The following DCDC1 variants were observed in gnomAD, a reference collection of about 807,000 sequenced individuals.
DCDC1 encodes the protein doublecortin domain-containing protein 1.
Under a neutral mutation model 178.3 loss-of-function variants are expected in DCDC1, and 200 were observed. That is an observed-to-expected ratio of 1.12 (90% CI 1.00 to 1.26). The LOEUF (loss-of-function observed/expected upper bound fraction) is 1.26, where lower values mean the gene tolerates loss of function less well. Ranked by LOEUF, DCDC1 falls within the 50% of genes most tolerant of loss-of-function variation. DCDC1 has a pLI of 0.00. For synonymous variants in DCDC1, 690 were observed against 604.8 expected (o/e 1.14, Z -2.07); for missense variants, 1,983 against 1,749.2 (o/e 1.13, Z -2.38).
chr11:31,008,821 T>C (rs2135097649), intron 20 of DCDC1, among the ~76,000 whole-genome samples: 1 of 152,292 alleles, frequency 6.6e-6, no homozygotes, highest in Middle Eastern at 3.4e-3. Context: ...CAAAGGCATA[T>C]TTTTCATTTA....
At position 30,908,942 on chromosome 11, in the gene DCDC1, T is replaced by G. The variant is rs1387191212; in HGVS notation, c.3918+4A>C. 6.3e-7 allele frequency: 1 copy of G among 1,592,836 alleles called. No individual in the cohort carries two copies. The highest frequency in any genetic ancestry group is 8.6e-7 in the Non-Finnish European group (1 of 1,168,214). On this transcript the variant is annotated splice_donor_region_variant and intron_variant, in intron 29 of 38. Transcript: ENST00000684477. ...TTTATCTTTGAGAGGAAGGAACCAC[T>G]TACTGGTTGATCAATGTTTTCTTCT...
chr11:30,893,747 C>T (rs1383588182), intron 35 of DCDC1, among the ~76,000 whole-genome samples: 2 of 152,176 alleles, frequency 1.3e-5, no homozygotes, highest in African/African-American at 2.4e-5. Flanking sequence ...GGTCTCTCTC[C>T]CCGGTCCTCT....
intron 1 of DCDC1, among the ~76,000 whole-genome samples, chr11:31,339,813 T>C (rs1355935302): frequency 6.6e-6 from 1 of 152,176 alleles, no homozygotes; most frequent in East Asian, 1.9e-4. Flanking sequence ...ATTCTTTCTA[T>C]CTAAACTAGC....
chr11:31,131,896 C>T (rs897719414), intron 10 of DCDC1, among the ~76,000 whole-genome samples: 7 of 152,184 alleles, frequency 4.6e-5, no homozygotes, highest in Non-Finnish European at 7.3e-5. Context: ...TTATACATGA[C>T]TGGTTTTACT....
intron 5 of DCDC1, 113 bp from the exon 6 acceptor site, chr11:31,305,890 C>A: frequency 8.2e-7 from 1 of 1,215,488 alleles, no homozygotes; most frequent in Non-Finnish European, 1.1e-6. Flanking sequence ...AGTCACTTGC[C>A]AATACAGTTA....
At chr11:31,359,475 C>T (rs1313531965) in intron 1 of DCDC1, among the ~76,000 whole-genome samples, 4 of 151,378 alleles carry the variant, frequency 2.6e-5, no homozygotes, top group Non-Finnish European at 5.9e-5. Flanking sequence ...GGGAGATATA[C>T]CTAATGCTAG....
intron 20 of DCDC1, among the ~76,000 whole-genome samples, chr11:31,046,484 T>G (rs1954848622): frequency 6.6e-6 from 1 of 152,122 alleles, no homozygotes; most frequent in African/African-American, 2.4e-5. Context: ...CTGAAAATTT[T>G]TTATACTGTC....
At chr11:31,058,815 C>T (rs1300963028) in intron 20 of DCDC1, among the ~76,000 whole-genome samples, 1 of 152,050 alleles carries the variant, frequency 6.6e-6, no homozygotes, top group African/African-American at 2.4e-5. Context: ...ATCATTTTGA[C>T]AGCTTGCACT....
At chr11:30,887,111 A>T (rs1424905524) in intron 36 of DCDC1, among the ~76,000 whole-genome samples, 1 of 152,150 alleles carries the variant, frequency 6.6e-6, no homozygotes, top group Non-Finnish European at 1.5e-5. Context: ...AAAATAAAGC[A>T]TTTTCTCTGT....
intron 2 of DCDC1, among the ~76,000 whole-genome samples, chr11:31,332,014 T>G (rs923830979): frequency 6.6e-6 from 1 of 152,186 alleles, no homozygotes; most frequent in Admixed American, 6.5e-5. Flanking sequence ...GGTCCTGAAC[T>G]TTTTTTGGTT....
chr11:31,149,343 T>C (rs139388492), intron 9 of DCDC1, among the ~76,000 whole-genome samples: 176 of 152,252 alleles, frequency 1.2e-3, no homozygotes, highest in African/African-American at 3.9e-3. Flanking sequence ...GTGCTCTGTG[T>C]CTAGCTAAAG....
chr11:31,153,859 GCACACACACA>G (rs56888014), intron 9 of DCDC1, among the ~76,000 whole-genome samples: 2 of 137,920 alleles, frequency 1.5e-5, no homozygotes, highest in African/African-American at 2.6e-5. Flanking sequence ...ACAGTGTCAT[GCACACACACA>G]CACACACACA....
At chr11:31,100,580 G>A (rs149782230) in intron 15 of DCDC1, among the ~76,000 whole-genome samples, 114 of 152,292 alleles carry the variant, frequency 7.5e-4, no homozygotes, top group Admixed American at 4.4e-3. Flanking sequence ...ATGGCTGGGG[G>A]TATATCCCAG....
intron 20 of DCDC1, among the ~76,000 whole-genome samples, chr11:31,004,085 A>G (rs539239878): frequency 5.8e-4 from 88 of 152,310 alleles, no homozygotes; most frequent in Middle Eastern, 3.4e-3. Flanking sequence ...GGAAGATCCA[A>G]AAGGAGATAT....
intron 25 of DCDC1, 75 bp downstream of exon 25, chr11:30,920,701 C>G: frequency 1.3e-6 from 2 of 1,554,406 alleles, no homozygotes; most frequent in South Asian, 2.4e-5. Flanking sequence ...TGCATGGGCT[C>G]TGTGCTGTTA....
chr11:30,917,156 G>C (rs1945903137), intron 25 of DCDC1, 128 bp from the exon 26 acceptor site: 4 of 857,014 alleles, frequency 4.7e-6, no homozygotes, highest in Non-Finnish European at 6.6e-6. Flanking sequence ...TTTCCATAAG[G>C]GTGCCTAATA....
intron 38 of DCDC1, among the ~76,000 whole-genome samples, chr11:30,878,136 G>A (rs2133958268): frequency 6.6e-6 from 1 of 152,126 alleles, no homozygotes; most frequent in South Asian, 2.1e-4. Context: ...GTCACTTTAT[G>A]TAAAATGCGG....
At chr11:31,135,755 T>C (rs1410702727) in intron 10 of DCDC1, among the ~76,000 whole-genome samples, 1 of 152,116 alleles carries the variant, frequency 6.6e-6, no homozygotes. Context: ...TAAGGCATTG[T>C]GTAAGAAGAA....
chr11:31,199,948 C>T (rs1254041016), intron 9 of DCDC1, among the ~76,000 whole-genome samples: 1 of 152,024 alleles, frequency 6.6e-6, no homozygotes, highest in Admixed American at 6.6e-5. Context: ...ATAATTTGGT[C>T]TGAATGACTA....
Sources: gnomAD v4.1 joint callset for allele counts (sites outside exome capture counted in the v4.1 genomes callset) on GRCh38, gnomAD v4.1.1 for gene constraint, MANE v1.5 for transcripts, NCBI Gene and HGNC (gene_info 2026-07-23, HGNC 2026-07-21) for gene names.